The following GPR37 variants were observed in gnomAD, a reference collection of about 807,000 sequenced individuals.
The protein encoded by GPR37 is prosaposin receptor GPR37.
GPR37 carries 20 observed loss-of-function variants against 43.6 expected under a neutral mutation model. The ratio of observed to expected loss-of-function variants is 0.46; its 90% CI spans 0.32 to 0.67. The LOEUF (loss-of-function observed/expected upper bound fraction) is 0.67. GPR37 is among the 30% of genes least tolerant of loss of function. The pLI is 0.03. For missense variants in GPR37, 724 were observed against 797.2 expected, an observed-to-expected ratio of 0.91 and a Z score of 1.11; for synonymous variants, 315 against 322.6, an observed-to-expected ratio of 0.98 and a Z score of 0.25.
rs544376674 is a variant in GPR37, at chr7:124,745,561, T to C, written c.*964A>G. Among the ~76,000 whole-genome samples, 11 of 152,284 alleles carry C rather than the reference T, an allele frequency of 7.2e-5. No homozygotes were observed. In the East Asian group the frequency reaches 2.1e-3, roughly 29 times the overall value. ...CTTAAAGAAATTAAGTTGTATAGAT[T>C]TCATCAAGTTTATTTTTCAAAAGGA... On this transcript the variant is annotated 3_prime_UTR_variant, in exon 2 of 2. Coordinates refer to ENST00000303921, the MANE Select transcript of GPR37 (RefSeq NM_005302.5).
rs763740785 is a variant in GPR37, at chr7:124,747,046, C to T, written c.1321G>A (p.Ala441Thr). 2 of 1,613,936 alleles carry T rather than the reference C, an allele frequency of 1.2e-6. No individual in the cohort carries two copies. Among genetic ancestry groups the T allele is most frequent in the African/African-American group, 1.3e-5 (1 of 75,006 alleles). ...CAGCCAAAATACCACCACAGTCTCG[C>T]ACTGTCGTAGGTGAGGGCTAGAACA... ...IYVLALTYDS[A>T]RLWWYFGCYF... The change falls in exon 2 of 2, where the codon GCG (alanine) becomes ACG (threonine). Residue 441 changes from alanine to threonine, a missense_variant. By Grantham distance (58) the Ala-to-Thr change is moderately conservative. Coordinates refer to ENST00000303921, the MANE Select transcript of GPR37 (RefSeq NM_005302.5).
chr7:124,759,659 G>C (rs1475832536), intron 1 of GPR37, among the ~76,000 whole-genome samples: 1 of 152,014 alleles, frequency 6.6e-6, no homozygotes, highest in Non-Finnish European at 1.5e-5. Context: ...TCGACTTTAT[G>C]AGATTTATTA....
chr7:124,752,586 T>C (rs181717454), intron 1 of GPR37, among the ~76,000 whole-genome samples: 59 of 152,286 alleles, frequency 3.9e-4, no homozygotes, highest in Admixed American at 2.4e-3. Flanking sequence ...TGAGAATCAC[T>C]AGTTTAACAA....
intron 1 of GPR37, among the ~76,000 whole-genome samples, chr7:124,750,338 T>A (rs1793717558): frequency 6.6e-6 from 1 of 152,144 alleles, no homozygotes; most frequent in Non-Finnish European, 1.5e-5. Context: ...TGCTTCCCCG[T>A]CACTTTATAG....
chr7:124,763,606 C>T (rs1392266277), intron 1 of GPR37, among the ~76,000 whole-genome samples: 1 of 151,444 alleles, frequency 6.6e-6, no homozygotes, highest in East Asian at 1.9e-4. Context: ...TGATGACAAC[C>T]TTAGGCTGGC....
rs1223376807 is a variant in GPR37 at position 124,745,438 on chromosome 7, T to A, written c.*1087A>T. ...ATATTCCCAATGGAGGAGGTTAGGT[T>A]TTTTTATTCAGAGTTTATGAAGTAT... On this transcript the variant is annotated 3_prime_UTR_variant, in exon 2 of 2. Transcript: ENST00000303921. Among the ~76,000 whole-genome samples the A allele has an allele frequency of 2.0e-5, 3 of 152,140 alleles. No individual in the cohort carries two copies. The highest frequency in any genetic ancestry group is 7.2e-5 in the African/African-American group (3 of 41,436).
chr7:124,757,823 T>TC (rs1793808371), intron 1 of GPR37, among the ~76,000 whole-genome samples: 1 of 152,210 alleles, frequency 6.6e-6, no homozygotes, highest in African/African-American at 2.4e-5. Flanking sequence ...TATTGCCTTC[T>TC]CCTGCCCACT....
chr7:124,756,833 C>T (rs1339370876), intron 1 of GPR37, among the ~76,000 whole-genome samples: 3 of 152,180 alleles, frequency 2.0e-5, no homozygotes, highest in African/African-American at 4.8e-5. Context: ...GGTTGCCGCA[C>T]ATAAGACGAA....
intron 1 of GPR37, among the ~76,000 whole-genome samples, chr7:124,749,404 G>C (rs895651904): frequency 2.6e-5 from 4 of 152,002 alleles, no homozygotes; most frequent in African/African-American, 9.7e-5. Context: ...GCTATTCCCT[G>C]GTAAAGGGGC....
At chr7:124,761,340 G>C (rs901048932) in intron 1 of GPR37, among the ~76,000 whole-genome samples, 7 of 152,194 alleles carry the variant, frequency 4.6e-5, no homozygotes, top group African/African-American at 9.6e-5. Flanking sequence ...CCAACTCAAG[G>C]TTATACCCCA....
intron 1 of GPR37, among the ~76,000 whole-genome samples, chr7:124,762,146 C>G (rs1449955556): frequency 2.0e-5 from 3 of 152,054 alleles, no homozygotes; most frequent in Non-Finnish European, 4.4e-5. Flanking sequence ...TTTGTACAAA[C>G]TCAGAATTAC....
Position 124,764,577 on chromosome 7 carries a change from A to T in GPR37, c.400T>A (p.Leu134Met), listed in dbSNP as rs1793892779. The T allele has an allele frequency of 6.2e-7, 1 of 1,611,670 alleles. No homozygotes were observed. Among genetic ancestry groups the T allele is most frequent in the Non-Finnish European group, 8.5e-7 (1 of 1,178,980 alleles). ...GARGQEPSET[L>M]GRGNPTALQL... Reference sequence around the variant, plus strand: ...AGGGCCGTGGGGTTCCCTCTCCCCAAAGTTTCAGAAGGCTCCTGACCCCGA... The same window carrying T: ...AGGGCCGTGGGGTTCCCTCTCCCCATAGTTTCAGAAGGCTCCTGACCCCGA... Residue 134 changes from leucine (L) to methionine (M), a missense_variant, in exon 1 of 2, where the codon TTG becomes ATG. By Grantham distance (15) the Leu-to-Met change is conservative. Around this residue, in one of 2 missense-constraint regions of GPR37, gnomAD observed 382 missense variants for 355.4 expected, o/e 1.07. Transcript: ENST00000303921. This position sits in a 1 kb window ranked among gnomAD's most constrained non-coding sequence, Gnocchi z 5.4.
chr7:124,751,992 A>G (rs562677551), intron 1 of GPR37, among the ~76,000 whole-genome samples: 2 of 152,268 alleles, frequency 1.3e-5, no homozygotes, highest in African/African-American at 2.4e-5. Context: ...TAAGATATTG[A>G]GCATTTTGAG....
At chr7:124,760,216 TAAG>T (rs1346525359) in intron 1 of GPR37, among the ~76,000 whole-genome samples, 1 of 151,936 alleles carries the variant, frequency 6.6e-6, no homozygotes. Flanking sequence ...AGAAATAAAA[TAAG>T]AAAGTAACAA....
Position 124,747,126 on chromosome 7 carries a change from G to A in GPR37, c.1241C>T (p.Ala414Val), listed in dbSNP as rs1793681381. The A allele has an allele frequency of 6.2e-7, 1 of 1,613,868 alleles. No homozygotes were observed. The highest frequency in any genetic ancestry group is 1.3e-5 in the African/African-American group (1 of 74,894). Residue 414 changes from alanine to valine, a missense_variant, in exon 2 of 2, where the codon GCT becomes GTT. Ala to Val is a moderately conservative substitution (Grantham distance 64). Transcript: ENST00000303921. ...CTTAATAATGCACCTTTCTGCCGGA[G>A]CTCGGCCACTAAACCCCAAATCCTC... ...SKEDLGFSGR[A>V]PAERCIIKIS...
chr7:124,762,015 A>C (rs1001734124), intron 1 of GPR37, among the ~76,000 whole-genome samples: 3 of 152,272 alleles, frequency 2.0e-5, no homozygotes, highest in Non-Finnish European at 4.4e-5. Context: ...GATGGGGAAA[A>C]GTTAAGCAAA....
Position 124,746,435 on chromosome 7 carries a change from AT to A in GPR37, c.*89del. The stretch of plus-strand genomic sequence containing the variant: ...TCTTTCTTTATTGTTTCTTTTTTGC[AT>A]TTTTCCCTATAAGGAAAAATATGAA... On this transcript the variant is annotated 3_prime_UTR_variant, in exon 2 of 2. Transcript: ENST00000303921. The A allele has an allele frequency of 2.1e-6, 2 of 958,134 alleles. No individual in the cohort carries two copies. Among genetic ancestry groups the A allele is most frequent in the Non-Finnish European group, 3.1e-6 (2 of 646,996 alleles). 59.4% of individuals were successfully genotyped at this position (958,134 alleles called of 1,614,324 possible).
intron 1 of GPR37, among the ~76,000 whole-genome samples, chr7:124,757,242 A>G (rs1793802170): frequency 6.6e-6 from 1 of 152,166 alleles, no homozygotes; most frequent in Non-Finnish European, 1.5e-5. Flanking sequence ...GACTCAATTT[A>G]ATATACTGTT....
rs1450357692 is a variant in GPR37 at position 124,744,048 on chromosome 7, A to G, written c.*2477T>C. 1 of 152,108 alleles carries G rather than the reference A, an allele frequency of 6.6e-6. No homozygotes were observed. The highest frequency in any genetic ancestry group is 1.5e-5 in the Non-Finnish European group (1 of 67,998). 9.4% of individuals were successfully genotyped at this position (152,108 alleles called of 1,614,324 possible). A position where few individuals can be genotyped will look rare whatever the true frequency, so the allele number is the denominator to read the frequency against. On this transcript the variant is annotated 3_prime_UTR_variant, in exon 2 of 2. Transcript: ENST00000303921. ...CTTTATACTTGGGACAATTTGAGTTATCAAAGTTTCCACTTTGACAGAGGT... is the reference window on the plus strand; with the variant it reads ...CTTTATACTTGGGACAATTTGAGTTGTCAAAGTTTCCACTTTGACAGAGGT...
Sources: gnomAD v4.1 joint callset for allele counts (sites outside exome capture counted in the v4.1 genomes callset) on GRCh38, gnomAD v4.1.1 for gene constraint, gnomAD v4.1.1 regional missense constraint, Gnocchi (gnomAD v3.1) non-coding constraint, MANE v1.5 for transcripts, NCBI Gene and HGNC (gene_info 2026-07-23, HGNC 2026-07-21) for gene names.